Variants in RAB10 observed in about 807,000 individuals in gnomAD.
RAB10 encodes RAB10, member RAS oncogene family.
A neutral mutation model predicts 25.7 loss-of-function variants in RAB10; 5 were observed. The ratio of observed to expected loss-of-function variants is 0.19; its 90% CI spans 0.10 to 0.41. The LOEUF (loss-of-function observed/expected upper bound fraction) is 0.41. Among genes scored for constraint, RAB10 ranks in the 10% least tolerant of loss-of-function variants. The probability of loss-of-function intolerance (pLI) is 1.00; values close to 1 mark genes in which losing one functional copy is unlikely to be tolerated. For missense variants in RAB10, 103 were observed against 245.8 expected (o/e 0.42, Z 3.89); for synonymous variants, 89 against 86.4 (o/e 1.03, Z -0.16).
intron 1 of RAB10, among the ~76,000 whole-genome samples, chr2:26,097,817 A>C (rs527860557): frequency 2.6e-5 from 4 of 152,186 alleles, no homozygotes; most frequent in Non-Finnish European, 4.4e-5. Context: ...GAAGTCTCCA[A>C]CTATAATTGT....
At chr2:26,053,692 T>C (rs947347163) in intron 1 of RAB10, among the ~76,000 whole-genome samples, 1 of 152,078 alleles carries the variant, frequency 6.6e-6, no homozygotes, top group East Asian at 1.9e-4. Context: ...TTCCTTAAAT[T>C]AGATATTAAT....
In RAB10 at chr2:26,136,733, A is replaced by G. The variant is rs1668120139; in HGVS notation, c.*1712A>G. ...GCATTTTAATGACCTCTTGGCTCAC[A>G]TAAGCAAACAACATAGGGACGTATC... On this transcript the variant is annotated 3_prime_UTR_variant, in exon 6 of 6. Coordinates refer to ENST00000264710, the MANE Select transcript of RAB10 (RefSeq NM_016131.5). 1 of 152,620 alleles carries G rather than the reference A, an allele frequency of 6.6e-6. No homozygotes were observed. The highest frequency in any genetic ancestry group is 2.4e-5 in the African/African-American group (1 of 41,452). The allele number at this position is 152,620 out of a possible 1,614,324, so 9.5% of individuals were successfully genotyped here.
chr2:26,092,055 C>A (rs934218271), intron 1 of RAB10, among the ~76,000 whole-genome samples: 1 of 151,766 alleles, frequency 6.6e-6, no homozygotes, highest in Admixed American at 6.6e-5. Context: ...GCCTGTAGTC[C>A]CAGCTTCTCA....
At chr2:26,054,278 T>C (rs975397355) in intron 1 of RAB10, among the ~76,000 whole-genome samples, 1 of 151,936 alleles carries the variant, frequency 6.6e-6, no homozygotes, top group Non-Finnish European at 1.5e-5. Flanking sequence ...GGTCTCAAAC[T>C]CCTGACCTCA....
At chr2:26,095,428 A>G (rs1247509664) in intron 1 of RAB10, among the ~76,000 whole-genome samples, 1 of 152,102 alleles carries the variant, frequency 6.6e-6, no homozygotes, top group Non-Finnish European at 1.5e-5. Flanking sequence ...TAACACGGTG[A>G]AACCCCGTCT....
At chr2:26,039,406 C>T (rs898352134) in intron 1 of RAB10, among the ~76,000 whole-genome samples, 3 of 151,596 alleles carry the variant, frequency 2.0e-5, no homozygotes, top group East Asian at 2.0e-4. Flanking sequence ...AGTGTAGTGG[C>T]GCGATCTGGG....
chr2:26,071,082 T>C (rs1292490439), intron 1 of RAB10, among the ~76,000 whole-genome samples: 1 of 152,234 alleles, frequency 6.6e-6, no homozygotes, highest in African/African-American at 2.4e-5. Flanking sequence ...ATAATTTTCC[T>C]CAAGAATATC....
At chr2:26,123,102 A>G (rs1457917044) in intron 3 of RAB10, among the ~76,000 whole-genome samples, 16 of 152,166 alleles carry the variant, frequency 1.1e-4, no homozygotes, top group Non-Finnish European at 1.3e-4. Context: ...TTTTTTGATC[A>G]TTCAACAAGA....
At chr2:26,130,555 T>C (rs1490978597) in intron 5 of RAB10, among the ~76,000 whole-genome samples, 1 of 152,074 alleles carries the variant, frequency 6.6e-6, no homozygotes, top group African/African-American at 2.4e-5. Flanking sequence ...GCCATCCTCC[T>C]GCTTCAGCTT....
chr2:26,070,305 T>C (rs933207920), intron 1 of RAB10, among the ~76,000 whole-genome samples: 1 of 152,214 alleles, frequency 6.6e-6, no homozygotes, highest in Non-Finnish European at 1.5e-5. Context: ...GGGAAAAGAC[T>C]AGATTAAATC....
chr2:26,046,739 C>T (rs573695765), intron 1 of RAB10, among the ~76,000 whole-genome samples: 1 of 152,164 alleles, frequency 6.6e-6, no homozygotes, highest in African/African-American at 2.4e-5. Flanking sequence ...GTTTCACATA[C>T]GACCCAGAAA....
intron 3 of RAB10, among the ~76,000 whole-genome samples, chr2:26,119,314 G>A (rs1667756177): frequency 6.6e-6 from 1 of 152,064 alleles, no homozygotes; most frequent in South Asian, 2.1e-4. Context: ...GGTAGGCTGA[G>A]GTGGGAGGAT....
At chr2:26,125,434 CTT>C (rs780945835) in intron 3 of RAB10, among the ~76,000 whole-genome samples, 13 of 118,846 alleles carry the variant, frequency 1.1e-4, no homozygotes, top group Admixed American at 2.6e-4. Flanking sequence ...CCTTTGCTTG[CTT>C]TTTTTTTTTT....
At position 26,098,685 on chromosome 2, in the gene RAB10, G is replaced by A; in HGVS notation, c.151G>A (p.Val51Ile). The A allele has an allele frequency of 6.3e-7, 1 of 1,593,166 alleles. No homozygotes were observed. The highest frequency in any genetic ancestry group is 8.6e-7 in the Non-Finnish European group (1 of 1,162,422). ...AGGAATAGACTTCAAGATCAAAACA[G>A]TTGAATTACAAGGAAAGAAGATCAA... ...TIGIDFKIKT[V>I]ELQGKKIKLQ... Residue 51 changes from valine (V) to isoleucine (I), a missense_variant, in exon 2 of 6, where the codon GTT becomes ATT. By Grantham distance (29) the Val-to-Ile change is conservative. This residue lies in a region of RAB10 where 79 missense variants were observed against 217.8 expected (regional missense o/e 0.36). Coordinates refer to ENST00000264710, the MANE Select transcript of RAB10 (RefSeq NM_016131.5).
rs141374424 is a variant in RAB10 at position 26,122,231 on chromosome 2, G to T, written c.328-4913G>T. 1.7e-4 allele frequency among the ~76,000 whole-genome samples: 26 copies of T among 152,338 alleles called. 1 individual carries two copies. In the East Asian group the frequency reaches 4.8e-3, roughly 28 times the overall value. ...AAAGAAAATTTGTGAAGCCATCACT[G>T]CAGCCACAGCAGGAGGTGTGAAACC... On this transcript the variant is annotated intron_variant, in intron 3 of 5. Coordinates refer to ENST00000264710, the MANE Select transcript of RAB10 (RefSeq NM_016131.5).
chr2:26,056,351 A>T (rs1001136889), intron 1 of RAB10, among the ~76,000 whole-genome samples: 6 of 152,052 alleles, frequency 3.9e-5, no homozygotes, highest in Non-Finnish European at 8.8e-5. Context: ...GGTGCGTGCC[A>T]TCACACCCGG....
intron 3 of RAB10, among the ~76,000 whole-genome samples, chr2:26,110,330 T>A (rs890103787): frequency 1.9e-4 from 21 of 108,020 alleles, no homozygotes; most frequent in African/African-American, 6.8e-4. Context: ...AGAGCAAGAC[T>A]CCGTCTCCAA....
chr2:26,119,757 A>C (rs1410190425), intron 3 of RAB10, among the ~76,000 whole-genome samples: 3 of 152,270 alleles, frequency 2.0e-5, no homozygotes, highest in East Asian at 1.9e-4. Flanking sequence ...GGGCTCAAGC[A>C]ATCTTCCTGC....
At chr2:26,129,881 G>A (rs1341592118) in intron 5 of RAB10, among the ~76,000 whole-genome samples, 1 of 152,190 alleles carries the variant, frequency 6.6e-6, no homozygotes, top group Non-Finnish European at 1.5e-5. Context: ...TCTCCATAGT[G>A]TATTGAGTGA....
Sources: gnomAD v4.1 joint callset for allele counts (sites outside exome capture counted in the v4.1 genomes callset) on GRCh38, gnomAD v4.1.1 for gene constraint, gnomAD v4.1.1 regional missense constraint, MANE v1.5 for transcripts, NCBI Gene and HGNC (gene_info 2026-07-23, HGNC 2026-07-21) for gene names.